The following VSTM2A variants were observed in gnomAD, a reference collection of about 807,000 sequenced individuals.
The protein encoded by VSTM2A is V-set and transmembrane domain containing 2A.
VSTM2A carries 13 observed loss-of-function variants against 27.3 expected under a neutral mutation model. The ratio of observed to expected loss-of-function variants is 0.48; its 90% CI spans 0.31 to 0.76. The LOEUF is 0.76. Ranked by LOEUF, VSTM2A falls within the 30% of genes least tolerant of loss-of-function variation. VSTM2A has a pLI of 0.05. For missense variants in VSTM2A, 280 were observed against 310.0 expected, an observed-to-expected ratio of 0.90 and a Z score of 0.73; for synonymous variants, 142 against 125.7, an observed-to-expected ratio of 1.13 and a Z score of -0.87.
At chr7:54,552,448 A>G (rs969071017) in intron 4 of VSTM2A, 1 of 152,184 alleles carries the variant, frequency 6.6e-6, no homozygotes, top group Non-Finnish European at 1.5e-5. Flanking sequence ...TTTATATATT[A>G]TATTCACTGT....
At chr7:54,546,650 G>A (rs1787996262) in intron 2 of VSTM2A, 1 of 268,172 alleles carries the variant, frequency 3.7e-6, no homozygotes, top group African/African-American at 2.3e-5. Context: ...CCCGCCTCCA[G>A]AGCGCAGCAT....
chr7:54,555,167 T>C (rs1037128831), intron 4 of VSTM2A, among the ~76,000 whole-genome samples: 20 of 152,342 alleles, frequency 1.3e-4, no homozygotes, highest in Non-Finnish European at 2.9e-4. Context: ...AAGCTGCGTC[T>C]TTTCTGTTCT....
intron 4 of VSTM2A, among the ~76,000 whole-genome samples, chr7:54,567,782 A>G (rs76135386): frequency 0.012 from 1,875 of 152,192 alleles, 22 homozygotes; most frequent in Non-Finnish European, 0.018. Flanking sequence ...TTTTCATTAA[A>G]TGAATCCCTG....
intron 4 of VSTM2A, among the ~76,000 whole-genome samples, chr7:54,565,157 G>A (rs1356044884): frequency 7.2e-6 from 1 of 138,622 alleles, no homozygotes; most frequent in Non-Finnish European, 1.6e-5. Flanking sequence ...TTCCGAAAGC[G>A]GCAGATTTCT....
chr7:54,550,407 C>A, intron 4 of VSTM2A: 1 of 1,173,346 alleles, frequency 8.5e-7, no homozygotes, highest in South Asian at 1.9e-5. Context: ...CATCTGAGAG[C>A]TGGACTCTGG....
At chr7:54,568,597 C>T (rs747119334) in intron 4 of VSTM2A, among the ~76,000 whole-genome samples, 9 of 151,564 alleles carry the variant, frequency 5.9e-5, no homozygotes, top group Admixed American at 1.3e-4. Flanking sequence ...GTTTGCCCCT[C>T]GTTGAGGAGC....
At chr7:54,556,750 C>G (rs1280293680) in intron 4 of VSTM2A, among the ~76,000 whole-genome samples, 1 of 152,168 alleles carries the variant, frequency 6.6e-6, no homozygotes, top group Non-Finnish European at 1.5e-5. Flanking sequence ...GATTAAGAGT[C>G]TATACTGGTT....
Position 54,570,362 on chromosome 7 carries a change from T to G in VSTM2A, c.*1143T>G, listed in dbSNP as rs1788854537. 1 of 152,190 alleles carries G rather than the reference T, an allele frequency of 6.6e-6. No homozygotes were observed. Among genetic ancestry groups the G allele is most frequent in the South Asian group, 2.1e-4 (1 of 4,834 alleles). 9.4% of individuals were successfully genotyped at this position (152,190 alleles called of 1,614,324 possible). On this transcript the variant is annotated 3_prime_UTR_variant, in exon 5 of 5. Transcript: ENST00000402613. ...AAGCACTCACCATAATTCCCTAAAT[T>G]CATGTTAGAACATTTCTTGCTATGG...
chr7:54,545,874 G>A (rs866262118), intron 2 of VSTM2A, among the ~76,000 whole-genome samples: 5 of 130,380 alleles, frequency 3.8e-5, no homozygotes, highest in Non-Finnish European at 8.1e-5. Context: ...GTGGGAAGCA[G>A]AGAAGGAGAA....
rs529483727 is a variant in VSTM2A, at chr7:54,569,298, G to A, written c.*79G>A. On this transcript the variant is annotated 3_prime_UTR_variant, in exon 5 of 5. Coordinates refer to ENST00000402613, the MANE Select transcript of VSTM2A (RefSeq NM_001301009.2). ...ATGCTTTGTTGATCATATTTTCTTTGGCAAAACACTGATCTTTTATTTTAA... is the reference window on the plus strand; with the variant it reads ...ATGCTTTGTTGATCATATTTTCTTTAGCAAAACACTGATCTTTTATTTTAA... The A allele has an allele frequency of 3.9e-6, 6 of 1,530,068 alleles. No individual in the cohort carries two copies. Among genetic ancestry groups the A allele is most frequent in the Admixed American group, 2.1e-5 (1 of 47,358 alleles). 94.8% of individuals were successfully genotyped at this position (1,530,068 alleles called of 1,614,324 possible).
chr7:54,542,430 G>A lies in VSTM2A; in HGVS notation c.-301G>A, dbSNP rs1016161894. ...GGCAGTGATCACGCAAGCCGGAGCG[G>A]CGGGCTGACGTTGGACGAGCTGCCA... On this transcript the variant is annotated 5_prime_UTR_variant, in exon 1 of 5. Coordinates refer to ENST00000402613, the MANE Select transcript of VSTM2A (RefSeq NM_001301009.2). 4.4e-6 allele frequency: 2 copies of A among 456,038 alleles called. No individual in the cohort carries two copies. The highest frequency in any genetic ancestry group is 7.7e-6 in the Non-Finnish European group (2 of 258,100). 28.2% of individuals were successfully genotyped at this position (456,038 alleles called of 1,614,324 possible).
intron 4 of VSTM2A, among the ~76,000 whole-genome samples, chr7:54,566,400 T>C (rs1439034704): frequency 2.0e-5 from 3 of 151,006 alleles, no homozygotes; most frequent in South Asian, 2.1e-4. Flanking sequence ...AATAGCATAA[T>C]CAGTGAGGTG....
Position 54,547,356 on chromosome 7 carries a change from G to A in VSTM2A, c.297+359G>A, listed in dbSNP as rs535123189. 1.7e-4 allele frequency among the ~76,000 whole-genome samples: 26 copies of A among 152,192 alleles called. No individual in the cohort carries two copies. The South Asian group carries it at 5.2e-3, about 30-fold the overall frequency. ...TAGTAGAAAGTAAAACAGTAACATA[G>A]GAAAATATTTTTAGGGAGAAAAATA... On this transcript the variant is annotated intron_variant, in intron 3 of 4. Coordinates refer to ENST00000402613, the MANE Select transcript of VSTM2A (RefSeq NM_001301009.2).
At chr7:54,558,281 G>A (rs192094483) in intron 4 of VSTM2A, 16 of 152,144 alleles carry the variant, frequency 1.1e-4, no homozygotes, top group Admixed American at 9.8e-4. Flanking sequence ...CTTAAAAAGA[G>A]ACAAAAATAA....
At chr7:54,542,906 G>C (rs763102730) in intron 1 of VSTM2A, 97 bp downstream of exon 1, 1 of 1,151,716 alleles carries the variant, frequency 8.7e-7, no homozygotes, top group African/African-American at 1.5e-5. Flanking sequence ...AAGCTTCCTA[G>C]CAAGTAACAG....
At chr7:54,563,845 A>C (rs1158175708) in intron 4 of VSTM2A, among the ~76,000 whole-genome samples, 4 of 152,244 alleles carry the variant, frequency 2.6e-5, no homozygotes, top group Non-Finnish European at 5.9e-5. Context: ...AGTGAAGCAC[A>C]TTTCTTTTAA....
At chr7:54,561,094 G>A (rs562711826) in intron 4 of VSTM2A, among the ~76,000 whole-genome samples, 2 of 151,954 alleles carry the variant, frequency 1.3e-5, no homozygotes, top group African/African-American at 4.8e-5. Context: ...CCTACATTTA[G>A]GGATTAAGCT....
At chr7:54,543,978 G>T (rs1787863206) in intron 1 of VSTM2A, among the ~76,000 whole-genome samples, 1 of 152,208 alleles carries the variant, frequency 6.6e-6, no homozygotes. Context: ...ACTAAGCCTG[G>T]ATGTGTGATC....
chr7:54,560,974 G>T (rs1047154190), intron 4 of VSTM2A, among the ~76,000 whole-genome samples: 1 of 152,088 alleles, frequency 6.6e-6, no homozygotes, highest in African/African-American at 2.4e-5. Context: ...GAGCCTGTTC[G>T]TCAGCCTTGT....
Sources: gnomAD v4.1 joint callset for allele counts (sites outside exome capture counted in the v4.1 genomes callset) on GRCh38, gnomAD v4.1.1 for gene constraint, MANE v1.5 for transcripts, NCBI Gene and HGNC (gene_info 2026-07-23, HGNC 2026-07-21) for gene names.